The following PPM1A variants were observed in gnomAD, a reference collection of about 807,000 sequenced individuals.
The protein encoded by PPM1A is protein phosphatase, Mg2+/Mn2+ dependent 1A.
A neutral mutation model predicts 35.0 loss-of-function variants in PPM1A; 7 were observed. The ratio of observed to expected loss-of-function variants is 0.20; its 90% CI spans 0.11 to 0.38. The LOEUF (loss-of-function observed/expected upper bound fraction) is 0.38, where lower values mean the gene tolerates loss of function less well. PPM1A is among the 10% of genes least tolerant of loss of function. The probability of loss-of-function intolerance (pLI) is 1.00; values close to 1 mark genes in which losing one functional copy is unlikely to be tolerated. For missense variants in PPM1A, 239 were observed against 467.8 expected, an observed-to-expected ratio of 0.51 and a Z score of 4.51; for synonymous variants, 153 against 167.3, an observed-to-expected ratio of 0.91 and a Z score of 0.66.
Position 60,249,572 on chromosome 14 carries a change from GA to G in PPM1A, c.-125del. On this transcript the variant is annotated 5_prime_UTR_variant, in exon 1 of 6. Coordinates refer to ENST00000395076, the MANE Select transcript of PPM1A (RefSeq NM_021003.5). This position sits in a 1 kb window ranked among gnomAD's most constrained non-coding sequence, Gnocchi z 4.5. ...TGACCTGGCCCGCCGCTGCAGCGGT[GA>G]CCCCTCCCCCGGCTGCCGCCGTCGC... The G allele has an allele frequency of 1.0e-6, 1 of 986,294 alleles. No homozygotes were observed. Among genetic ancestry groups the G allele is most frequent in the African/African-American group, 1.8e-5 (1 of 57,088 alleles). 61.1% of individuals were successfully genotyped at this position (986,294 alleles called of 1,614,324 possible). A position where few individuals can be genotyped will look rare whatever the true frequency, so the allele number is the denominator to read the frequency against.
rs187039947 is a variant in PPM1A, at chr14:60,286,018, T to A, written c.952+277T>A. On this transcript the variant is annotated intron_variant, in intron 3 of 5. Transcript: ENST00000395076. ...AAAATGTTTGTGTGCTTTAAAATTC[T>A]TAATGAATTCACTGGCATGAGTAAT... The A allele has an allele frequency of 1.2e-4, 129 of 1,065,468 alleles. No homozygotes were observed. The African/African-American group carries it at 2.0e-3, about 17-fold the overall frequency. 66.0% of individuals were successfully genotyped at this position (1,065,468 alleles called of 1,614,324 possible).
intron 1 of PPM1A, chr14:60,267,350 A>G (rs1481085217): frequency 6.6e-6 from 1 of 152,106 alleles, no homozygotes; most frequent in Non-Finnish European, 1.5e-5. Flanking sequence ...TGATGAGATG[A>G]TCATATGGAT....
In PPM1A at chr14:60,275,610, C is replaced by T. The variant is rs1418550828; in HGVS notation, c.-20-7074C>T. On this transcript the variant is annotated intron_variant, in intron 1 of 5. Transcript: ENST00000395076. ...CAAGCAGTCCTCCTTCCTCAGCCTC[C>T]TGAGTAGCTAGGACTACAGGCATGC... Among the ~76,000 whole-genome samples the T allele has an allele frequency of 2.0e-5, 3 of 152,316 alleles. No individual in the cohort carries two copies. In the East Asian group the frequency reaches 5.8e-4, roughly 29 times the overall value.
upstream of PPM1A, chr14:60,249,173 T>G (rs974450820): frequency 4.7e-5 from 42 of 902,618 alleles, no homozygotes; most frequent in East Asian, 1.2e-4. This position sits in a 1 kb window ranked among gnomAD's most constrained non-coding sequence, Gnocchi z 4.5. Context: ...AGCGGAGGGG[T>G]GGGGGAGGGG....
chr14:60,279,097 A>T (rs1484910886), intron 1 of PPM1A, among the ~76,000 whole-genome samples: 1 of 152,040 alleles, frequency 6.6e-6, no homozygotes, highest in Admixed American at 6.6e-5. Context: ...TACTTTTATC[A>T]CCTGGGATGC....
At chr14:60,285,367 C>T (rs1435613335) in intron 2 of PPM1A, among the ~76,000 whole-genome samples, 2 of 152,176 alleles carry the variant, frequency 1.3e-5, no homozygotes, top group Non-Finnish European at 2.9e-5. Flanking sequence ...ATTATTATTA[C>T]AGTGAGATTA....
Position 60,249,657 on chromosome 14 carries a change from G to C in PPM1A, c.-41G>C. 8 of 984,770 alleles carry C rather than the reference G, an allele frequency of 8.1e-6. No homozygotes were observed. The highest frequency in any genetic ancestry group is 9.6e-6 in the Non-Finnish European group (8 of 829,906). 61.0% of individuals were successfully genotyped at this position (984,770 alleles called of 1,614,324 possible). A position where few individuals can be genotyped will look rare whatever the true frequency, so the allele number is the denominator to read the frequency against. ...CGCCGCCTCGGCCGACCAGGGACCTGCCCGCCTGCGGCTGCTCCGGGTAAG... is the reference window on the plus strand; with the variant it reads ...CGCCGCCTCGGCCGACCAGGGACCTCCCCGCCTGCGGCTGCTCCGGGTAAG... On this transcript the variant is annotated 5_prime_UTR_variant, in exon 1 of 6. Transcript: ENST00000395076. This position sits in a 1 kb window ranked among gnomAD's most constrained non-coding sequence, Gnocchi z 4.5.
At chr14:60,274,313 A>G (rs887121570) in intron 1 of PPM1A, among the ~76,000 whole-genome samples, 2 of 152,164 alleles carry the variant, frequency 1.3e-5, no homozygotes, top group African/African-American at 4.8e-5. Flanking sequence ...GAGGAACTTG[A>G]TTTAGTAAAA....
upstream of PPM1A, among the ~76,000 whole-genome samples, chr14:60,247,496 G>A (rs1043300531): frequency 2.6e-5 from 4 of 151,890 alleles, no homozygotes; most frequent in Non-Finnish European, 5.9e-5. Flanking sequence ...CAGGCGTGGT[G>A]GCAGGCGCCT....
At position 60,249,567 on chromosome 14, in the gene PPM1A, G is replaced by C; in HGVS notation, c.-131G>C. On this transcript the variant is annotated 5_prime_UTR_variant, in exon 1 of 6. Coordinates refer to ENST00000395076, the MANE Select transcript of PPM1A (RefSeq NM_021003.5). This position sits in a 1 kb window ranked among gnomAD's most constrained non-coding sequence, Gnocchi z 4.5. ...CAGCCTGACCTGGCCCGCCGCTGCA[G>C]CGGTGACCCCTCCCCCGGCTGCCGC... 1 of 986,316 alleles carries C rather than the reference G, an allele frequency of 1.0e-6. No individual in the cohort carries two copies. Among genetic ancestry groups the C allele is most frequent in the South Asian group, 4.5e-5 (1 of 22,110 alleles). The allele number at this position is 986,316 out of a possible 1,614,324, so 61.1% of individuals were successfully genotyped here.
chr14:60,264,801 A>AT lies in PPM1A; in HGVS notation c.-21+15132dup, dbSNP rs543195265. Among the ~76,000 whole-genome samples the AT allele has an allele frequency of 2.6e-3, 397 of 151,988 alleles. 4 individuals are homozygous for AT. The highest frequency in any genetic ancestry group is 0.014 in the Middle Eastern group (4 of 294). ...GTTTATGTGGCCTCAGTTCCAGTGA[A>AT]TTTTTTTTAAATATTCAGGCTGTCT... On this transcript the variant is annotated intron_variant, in intron 1 of 5. Transcript: ENST00000395076.
At chr14:60,272,161 G>A (rs1885209065) in intron 1 of PPM1A, among the ~76,000 whole-genome samples, 1 of 151,208 alleles carries the variant, frequency 6.6e-6, no homozygotes, top group Non-Finnish European at 1.5e-5. Flanking sequence ...TTATATTCCT[G>A]ATTTTGTTTT....
rs763517668 is a variant in PPM1A at position 60,283,588 on chromosome 14, ACTACT to A, written c.834+55_834+59del. The A allele has an allele frequency of 4.0e-6, 6 of 1,512,156 alleles. No homozygotes were observed. The East Asian group carries it at 6.7e-5, about 17-fold the overall frequency. The allele number at this position is 1,512,156 out of a possible 1,614,324, so 93.7% of individuals were successfully genotyped here. A position where few individuals can be genotyped will look rare whatever the true frequency, so the allele number is the denominator to read the frequency against. The stretch of plus-strand genomic sequence containing the variant: ...AAAATGATTTTATGCCATATTAATC[ACTACT>A]CTAGTATTTAATCATCTTAGAATCT... On this transcript the variant is annotated intron_variant, in intron 2 of 5. Coordinates refer to ENST00000395076, the MANE Select transcript of PPM1A (RefSeq NM_021003.5). The surrounding 1 kb of genome is among the most constrained non-coding windows in gnomAD (Gnocchi z 6.3).
chr14:60,251,224 A>C (rs965492987), intron 1 of PPM1A, among the ~76,000 whole-genome samples: 1 of 152,254 alleles, frequency 6.6e-6, no homozygotes, highest in African/African-American at 2.4e-5. Flanking sequence ...GCAGTTGCCT[A>C]AGACATTTTA....
upstream of PPM1A, chr14:60,248,617 T>A (rs1447097965): frequency 7.1e-6 from 1 of 140,638 alleles, no homozygotes; most frequent in Non-Finnish European, 1.6e-5. Context: ...GGTAGGGGGG[T>A]CTGGCAGCTG....
At chr14:60,250,041 G>C (rs1010339422) in intron 1 of PPM1A, among the ~76,000 whole-genome samples, 6 of 151,428 alleles carry the variant, frequency 4.0e-5, no homozygotes, top group African/African-American at 1.2e-4. Context: ...TTTCCCGAGC[G>C]GGGAGGGGGC....
intron 1 of PPM1A, among the ~76,000 whole-genome samples, chr14:60,261,444 T>C (rs1416296261): frequency 6.6e-6 from 1 of 152,222 alleles, no homozygotes; most frequent in East Asian, 1.9e-4. Context: ...GCCCCCTTTT[T>C]TGATGAGCTT....
rs561638732 is a variant in PPM1A, at chr14:60,262,579, G to A, written c.-21+12902G>A. On this transcript the variant is annotated intron_variant, in intron 1 of 5. Transcript: ENST00000395076. ...CACATCTATACTCCCAGCTACTTGG[G>A]AGGCTGAGACGAGAGGATCACCTGA... is the stretch of plus-strand genomic sequence containing the variant. 2.0e-5 allele frequency among the ~76,000 whole-genome samples: 3 copies of A among 152,230 alleles called. No homozygotes were observed. In the South Asian group the frequency reaches 6.2e-4, roughly 32 times the overall value.
In PPM1A at chr14:60,249,315, C is replaced by G. The variant is rs1168277373; in HGVS notation, c.-383C>G. ...TCGGCGCTCGTCCGGCCCGCAGCTTCGGGTCCTCAGGCGGCTGTTGCTCCG... is the reference window on the plus strand; with the variant it reads ...TCGGCGCTCGTCCGGCCCGCAGCTTGGGGTCCTCAGGCGGCTGTTGCTCCG... On this transcript the variant is annotated 5_prime_UTR_variant, in exon 1 of 6. Transcript: ENST00000395076. This position sits in a 1 kb window ranked among gnomAD's most constrained non-coding sequence, Gnocchi z 4.5. 1 of 943,050 alleles carries G rather than the reference C, an allele frequency of 1.1e-6. No individual in the cohort carries two copies. The highest frequency in any genetic ancestry group is 2.3e-5 in the African/African-American group (1 of 44,394). 58.4% of individuals were successfully genotyped at this position (943,050 alleles called of 1,614,324 possible). A position where few individuals can be genotyped will look rare whatever the true frequency, so the allele number is the denominator to read the frequency against.
Sources: gnomAD v4.1 joint callset for allele counts (sites outside exome capture counted in the v4.1 genomes callset) on GRCh38, gnomAD v4.1.1 for gene constraint, Gnocchi (gnomAD v3.1) non-coding constraint, MANE v1.5 for transcripts, NCBI Gene and HGNC (gene_info 2026-07-23, HGNC 2026-07-21) for gene names.